PCNX3: variants seen among roughly 807,000 people sequenced by gnomAD.
The protein encoded by PCNX3 is pecanex-like protein 3.
In PCNX3, 58 loss-of-function variants were observed where a neutral mutation model predicts 207.2. The observed-to-expected ratio is 0.28, with a 90% confidence interval of 0.23 to 0.35. The LOEUF is 0.35. Among genes scored for constraint, PCNX3 ranks in the 10% least tolerant of loss-of-function variants. The pLI is 1.00. For missense variants in PCNX3, 2,410 were observed against 2,774.4 expected, an observed-to-expected ratio of 0.87 and a Z score of 2.95; for synonymous variants, 1,337 against 1,183.5, an observed-to-expected ratio of 1.13 and a Z score of -2.66.
In PCNX3 at chr11:65,617,278, C is replaced by A; in HGVS notation, c.370C>A (p.Arg124=). 6.2e-7 allele frequency: 1 copy of A among 1,609,432 alleles called. No individual in the cohort carries two copies. Among genetic ancestry groups the A allele is most frequent in the Non-Finnish European group, 8.5e-7 (1 of 1,177,976 alleles). The change falls in exon 3 of 35, where the codon CGG becomes AGG. Residue 124 remains arginine, a synonymous_variant. Transcript: ENST00000355703. ...RDPGVEMTVF[R]KVSSTPPVRC... Reference sequence around the variant, plus strand: ...CCCCGGAGTGGAGATGACAGTGTTCCGGAAAGTCAGTTCCACACCCCCGGT... The same window carrying A: ...CCCCGGAGTGGAGATGACAGTGTTCAGGAAAGTCAGTTCCACACCCCCGGT...
At chr11:65,631,174 C>T (rs1855603254) in intron 27 of PCNX3, among the ~76,000 whole-genome samples, 1 of 144,198 alleles carries the variant, frequency 6.9e-6, no homozygotes, top group Admixed American at 6.7e-5. Context: ...CTGCCTTAGC[C>T]TGGGGGCTCT....
At chr11:65,620,799 TG>T in intron 9 of PCNX3, 31 bp from the exon 10 acceptor site, 2 of 1,586,658 alleles carry the variant, frequency 1.3e-6, no homozygotes, top group East Asian at 2.3e-5. Flanking sequence ...GGCTCGCCCG[TG>T]GGGGGATCCT....
In PCNX3 at chr11:65,635,180, C is replaced by T. The variant is rs1284325324; in HGVS notation, c.4954-38C>T. Reference sequence around the variant, plus strand: ...TGGGGGATGAAGCCTCTCTCCAGGGCAGGGGCCACTGACCCCTGTTCCCGT... The same window carrying T: ...TGGGGGATGAAGCCTCTCTCCAGGGTAGGGGCCACTGACCCCTGTTCCCGT... On this transcript the variant is annotated intron_variant, in intron 30 of 34. Coordinates refer to ENST00000355703, the MANE Select transcript of PCNX3 (RefSeq NM_032223.4). The surrounding 1 kb of genome is among the most constrained non-coding windows in gnomAD (Gnocchi z 9.9). 6 of 1,600,446 alleles carry T rather than the reference C, an allele frequency of 3.7e-6. No individual in the cohort carries two copies. The Admixed American group carries it at 6.9e-5, about 18-fold the overall frequency.
intron 15 of PCNX3, 36 bp downstream of exon 15, chr11:65,624,617 G>T (rs570292068): frequency 6.6e-7 from 1 of 1,521,744 alleles, no homozygotes; most frequent in Non-Finnish European, 9.0e-7. Flanking sequence ...GATGGGGCCC[G>T]TGTGGAGGCC....
At position 65,619,522 on chromosome 11, in the gene PCNX3, C is replaced by A. The variant is rs372925244; in HGVS notation, c.1706-15C>A. The stretch of plus-strand genomic sequence containing the variant: ...AGCATCTGTCACTTACACTTGGGGG[C>A]CTCTCTCTGGGCAGCGGCCGAGGAG... On this transcript the variant is annotated splice_polypyrimidine_tract_variant and intron_variant, in intron 6 of 34. Coordinates refer to ENST00000355703, the MANE Select transcript of PCNX3 (RefSeq NM_032223.4). 6.2e-7 allele frequency: 1 copy of A among 1,610,496 alleles called. No individual in the cohort carries two copies. The highest frequency in any genetic ancestry group is 1.1e-5 in the South Asian group (1 of 90,986).
chr11:65,616,777 G>T (rs760012805), intron 1 of PCNX3, 47 bp from the exon 2 acceptor site: 2 of 1,575,762 alleles, frequency 1.3e-6, no homozygotes, highest in Non-Finnish European at 1.7e-6. Context: ...TACATCCTGT[G>T]GGGGCGAGGC....
At chr11:65,616,733 GTC>G (rs1854751572) in intron 1 of PCNX3, 89 bp from the exon 2 acceptor site, 1 of 1,411,708 alleles carries the variant, frequency 7.1e-7, no homozygotes, top group Non-Finnish European at 9.7e-7. Context: ...TTTCTTGTGA[GTC>G]TGTGAATCCC....
At chr11:65,622,059 G>A in intron 10 of PCNX3, 186 bp from the exon 11 acceptor site, 1 of 700,220 alleles carries the variant, frequency 1.4e-6, no homozygotes, top group South Asian at 6.4e-5. Flanking sequence ...CCTTTCAGAT[G>A]AAGGGTTCTG....
In PCNX3 at chr11:65,625,620, C is replaced by G; in HGVS notation, c.3136-32C>G. On this transcript the variant is annotated intron_variant, in intron 18 of 34. Transcript: ENST00000355703. This position sits in a 1 kb window ranked among gnomAD's most constrained non-coding sequence, Gnocchi z 5.6. Reference sequence around the variant, plus strand: ...TGGGCAGCTGAGTGTCTCTCCTGGCCGGGCAGCTGAATGTCTCTCCTGGCC... The same window carrying G: ...TGGGCAGCTGAGTGTCTCTCCTGGCGGGGCAGCTGAATGTCTCTCCTGGCC... The G allele has an allele frequency of 6.2e-7, 1 of 1,601,220 alleles. No individual in the cohort carries two copies. Among genetic ancestry groups the G allele is most frequent in the Non-Finnish European group, 8.5e-7 (1 of 1,171,886 alleles).
At chr11:65,626,142 G>T (rs1240364486) in intron 20 of PCNX3, 88 bp downstream of exon 20, 4 of 1,516,828 alleles carry the variant, frequency 2.6e-6, no homozygotes, top group Non-Finnish European at 3.5e-6. Context: ...CGGCTCAGGA[G>T]TGCCAGCAGG....
In PCNX3 at chr11:65,619,756, G is replaced by A; in HGVS notation, c.1832G>A (p.Ser611Asn). The change falls in exon 8 of 35, where the codon AGC (serine) becomes AAC (asparagine). Residue 611 changes from serine to asparagine, a missense_variant and splice_region_variant. By Grantham distance (46) the Ser-to-Asn change is conservative. This residue lies in a region of PCNX3 where 1,104 missense variants were observed against 970.3 expected (regional missense o/e 1.14). Transcript: ENST00000355703. ...GACCTGGGGCTGACCCTCTCCAGCA[G>A]CCTGCAGGAAGCTCAGCGGGGCCGG... ...PASVMGSPPS[S>N]LQEAQRGRAA... The A allele has an allele frequency of 1.3e-6, 2 of 1,567,644 alleles. No homozygotes were observed. Among genetic ancestry groups the A allele is most frequent in the South Asian group, 1.2e-5 (1 of 86,944 alleles).
At chr11:65,628,059 A>G (rs1855475499) in intron 22 of PCNX3, among the ~76,000 whole-genome samples, 2 of 152,148 alleles carry the variant, frequency 1.3e-5, no homozygotes, top group South Asian at 2.1e-4. Context: ...CCATGCTCCT[A>G]CACTCTACTG....
At chr11:65,624,812 T>C in intron 15 of PCNX3, 113 bp from the exon 16 acceptor site, 1 of 1,129,122 alleles carries the variant, frequency 8.9e-7, no homozygotes, top group Non-Finnish European at 1.3e-6. Context: ...AACAATGGGC[T>C]GGGGGTGCCT....
At position 65,618,355 on chromosome 11, in the gene PCNX3, C is replaced by T. The variant is rs768995246; in HGVS notation, c.993C>T (p.Ala331=). The change falls in exon 6 of 35, where the codon GCC becomes GCT. Residue 331 remains alanine (A), a synonymous_variant. Transcript: ENST00000355703. ...THLDSPPGGP[A]PEGSDTDPPS... is the part of the protein sequence containing the mutation. ...TGGACAGCCCCCCAGGGGGGCCAGC[C>T]CCTGAGGGCAGCGACACAGACCCAC... 1 of 1,612,430 alleles carries T rather than the reference C, an allele frequency of 6.2e-7. No individual in the cohort carries two copies. Among genetic ancestry groups the T allele is most frequent in the Non-Finnish European group, 8.5e-7 (1 of 1,179,604 alleles).
At chr11:65,629,165 T>C (rs1048411196) in intron 24 of PCNX3, among the ~76,000 whole-genome samples, 192 bp from the exon 25 acceptor site, 1 of 152,190 alleles carries the variant, frequency 6.6e-6, no homozygotes, top group East Asian at 1.9e-4. Context: ...GGGGATGAGC[T>C]TAGCCTCCCA....
In PCNX3 at chr11:65,629,006, G is replaced by A. The variant is rs182791133; in HGVS notation, c.3941+58G>A. 47 of 1,590,100 alleles carry A rather than the reference G, an allele frequency of 3.0e-5. No homozygotes were observed. In the Admixed American group the frequency reaches 7.0e-4, roughly 24 times the overall value. ...CAGGGCAGGAAGGGAGAGGTTTGGA[G>A]CCCAGGCTGGAGGCCACCCACAGAG... On this transcript the variant is annotated intron_variant, in intron 24 of 34. Transcript: ENST00000355703.
At chr11:65,629,036 CCA>C in intron 24 of PCNX3, 88 bp downstream of exon 24, 1 of 1,542,414 alleles carries the variant, frequency 6.5e-7, no homozygotes, top group East Asian at 2.3e-5. Context: ...ACAGAGGGGC[CCA>C]CAGCAGGTAT....
intron 15 of PCNX3, 104 bp from the exon 16 acceptor site, chr11:65,624,821 C>T (rs1855295733): frequency 8.0e-7 from 1 of 1,244,716 alleles, no homozygotes; most frequent in Admixed American, 2.1e-5. Flanking sequence ...CTGGGGGTGC[C>T]TTTCCAGGGA....
At chr11:65,630,248 G>A (rs1429599624) in intron 26 of PCNX3, 103 bp from the exon 27 acceptor site, 5 of 1,468,406 alleles carry the variant, frequency 3.4e-6, no homozygotes, top group Non-Finnish European at 3.6e-6. Flanking sequence ...CGTCCAAGGG[G>A]GTGAATGGCA....
Sources: allele counts gnomAD v4.1 joint callset (sites outside exome capture counted in the v4.1 genomes callset), GRCh38; gene constraint gnomAD v4.1.1; regional missense constraint gnomAD v4.1.1; non-coding constraint Gnocchi (gnomAD v3.1); transcripts MANE v1.5; gene names NCBI Gene and HGNC (gene_info 2026-07-23, HGNC 2026-07-21).